EPB41L4B: variants seen among roughly 807,000 people sequenced by gnomAD.
EPB41L4B encodes erythrocyte membrane protein band 4.1 like 4B.
A neutral mutation model predicts 112.5 loss-of-function variants in EPB41L4B; 30 were observed. The observed-to-expected ratio is 0.27, with a 90% CI of 0.20 to 0.36. The LOEUF (loss-of-function observed/expected upper bound fraction) is 0.36, where lower values mean the gene tolerates loss of function less well. Among genes scored for constraint, EPB41L4B ranks in the 10% least tolerant of loss-of-function variants. The probability of loss-of-function intolerance (pLI) is 1.00; values close to 1 mark genes in which losing one functional copy is unlikely to be tolerated. For synonymous variants in EPB41L4B, 408 were observed against 439.7 expected (o/e 0.93, Z 0.90); for missense variants, 1,024 against 1,133.3 (o/e 0.90, Z 1.38).
chr9:109,200,101 T>G, intron 20 of EPB41L4B, 135 bp downstream of exon 20: 2 of 659,020 alleles, frequency 3.0e-6, no homozygotes, highest in Admixed American at 2.8e-5. Flanking sequence ...CTAGTCTCAT[T>G]ATTACCTAAA....
At chr9:109,306,287 T>C (rs1332023316) in intron 1 of EPB41L4B, among the ~76,000 whole-genome samples, 1 of 152,182 alleles carries the variant, frequency 6.6e-6, no homozygotes, top group East Asian at 1.9e-4. Flanking sequence ...TTCTCAAACC[T>C]GACTGCACCT....
intron 25 of EPB41L4B, among the ~76,000 whole-genome samples, chr9:109,176,050 G>GCACA (rs58215877): frequency 0.087 from 2,871 of 32,870 alleles, 40 homozygotes; most frequent in Non-Finnish European, 0.11. Context: ...TCACACACAC[G>GCACA]CACACACACA....
intron 22 of EPB41L4B, among the ~76,000 whole-genome samples, 196 bp from the exon 23 acceptor site, chr9:109,185,801 C>T (rs775010470): frequency 2.6e-5 from 3 of 116,032 alleles, no homozygotes; most frequent in African/African-American, 9.6e-5. Flanking sequence ...TCCCACCCCC[C>T]ACCCTCTCTC....
At chr9:109,193,282 T>C (rs1020603833) in intron 21 of EPB41L4B, among the ~76,000 whole-genome samples, 3 of 152,214 alleles carry the variant, frequency 2.0e-5, no homozygotes, top group East Asian at 3.8e-4. Flanking sequence ...GCCTTGGTAA[T>C]GCAGGAGGTG....
chr9:109,264,876 G>T, intron 5 of EPB41L4B, 104 bp downstream of exon 5: 5 of 1,068,650 alleles, frequency 4.7e-6, no homozygotes, highest in Admixed American at 2.9e-5. Flanking sequence ...CACTTTTTTT[G>T]AATTTTGAAA....
intron 17 of EPB41L4B, 104 bp from the exon 18 acceptor site, chr9:109,208,153 C>T: frequency 7.3e-7 from 1 of 1,368,962 alleles, no homozygotes; most frequent in Non-Finnish European, 1.0e-6. Context: ...GACCTACATA[C>T]ATAGACAGGG....
At chr9:109,197,259 C>A (rs1832673460) in intron 20 of EPB41L4B, among the ~76,000 whole-genome samples, 1 of 152,104 alleles carries the variant, frequency 6.6e-6, no homozygotes, top group African/African-American at 2.4e-5. Flanking sequence ...CCTGTCTCTA[C>A]TAAAAACACA....
intron 15 of EPB41L4B, among the ~76,000 whole-genome samples, chr9:109,237,668 C>A (rs1834195695): frequency 6.6e-6 from 1 of 151,866 alleles, no homozygotes; most frequent in Non-Finnish European, 1.5e-5. Context: ...GTTACTAGAC[C>A]ACTGGAGGGG....
chr9:109,241,771 G>T (rs750634458), intron 15 of EPB41L4B: 2 of 1,614,156 alleles, frequency 1.2e-6, no homozygotes, highest in Admixed American at 3.3e-5. Flanking sequence ...TCCACTGGCC[G>T]ATGCTTTCCA....
intron 4 of EPB41L4B, 63 bp downstream of exon 4, chr9:109,267,410 A>G (rs1469865272): frequency 2.0e-6 from 2 of 1,003,934 alleles, no homozygotes; most frequent in Non-Finnish European, 3.1e-6. Flanking sequence ...AATTGAGAAG[A>G]GCCATAAATG....
chr9:109,211,746 C>T (rs1168176139), intron 17 of EPB41L4B, among the ~76,000 whole-genome samples: 5 of 141,048 alleles, frequency 3.5e-5, no homozygotes, highest in South Asian at 2.3e-4. Context: ...GAGGGAGTCT[C>T]GCTCTGTCAC....
At chr9:109,203,807 C>A (rs577540117) in intron 18 of EPB41L4B, 77 bp from the exon 19 acceptor site, 4 of 1,210,002 alleles carry the variant, frequency 3.3e-6, no homozygotes, top group South Asian at 2.5e-5. Flanking sequence ...CTCTTACATT[C>A]AAAAGATTAT....
At chr9:109,201,938 C>A (rs1335969409) in intron 19 of EPB41L4B, among the ~76,000 whole-genome samples, 1 of 152,000 alleles carries the variant, frequency 6.6e-6, no homozygotes, top group Non-Finnish European at 1.5e-5. Context: ...TGAAGAGGAC[C>A]AGGTGAAAGG....
intron 6 of EPB41L4B, among the ~76,000 whole-genome samples, chr9:109,260,144 G>A (rs1036504484): frequency 5.3e-5 from 8 of 152,198 alleles, no homozygotes; most frequent in Non-Finnish European, 1.0e-4. Flanking sequence ...ACAGCTCTCT[G>A]CAACCTCAAA....
chr9:109,236,061 T>C (rs1460439945), intron 15 of EPB41L4B, among the ~76,000 whole-genome samples: 1 of 152,236 alleles, frequency 6.6e-6, no homozygotes, highest in Non-Finnish European at 1.5e-5. Context: ...TTCTCTCATC[T>C]GGCTGGCAAT....
At chr9:109,200,368 C>CA (rs777328312) in intron 19 of EPB41L4B, 34 bp from the exon 20 acceptor site, 1 of 1,546,312 alleles carries the variant, frequency 6.5e-7, no homozygotes, top group Non-Finnish European at 8.9e-7. Flanking sequence ...ACAATACCAT[C>CA]AAAAAAGGTT....
chr9:109,176,735 T>A (rs1831856304), intron 24 of EPB41L4B, 39 bp from the exon 25 acceptor site: 3 of 1,610,774 alleles, frequency 1.9e-6, no homozygotes. Context: ...AATCTCAATT[T>A]GGGTTCCATT....
chr9:109,310,478 TTA>T (rs1292648444), intron 1 of EPB41L4B, among the ~76,000 whole-genome samples: 1 of 152,168 alleles, frequency 6.6e-6, no homozygotes, highest in Non-Finnish European at 1.5e-5. Context: ...ACTATTCATG[TTA>T]TAGAGAGTCT....
chr9:109,217,130 G>A lies in EPB41L4B; in HGVS notation c.1425C>T (p.Ser475=). ...ACCGGTCCGAGCTGCTAAGCACTGG[G>A]GAAGGGAGCGGGTAGCTGTGGAGGG... ...HSPNVSYPLP[S]PVLSSSDRLP... The change falls in exon 16 of 26, where the codon TCC becomes TCT. Residue 475 remains serine (S), a synonymous_variant. Transcript: ENST00000374566. The A allele has an allele frequency of 1.2e-6, 2 of 1,613,900 alleles. No homozygotes were observed. The highest frequency in any genetic ancestry group is 1.7e-5 in the Admixed American group (1 of 60,024).
Sources: gnomAD v4.1 joint callset for allele counts (sites outside exome capture counted in the v4.1 genomes callset) on GRCh38, gnomAD v4.1.1 for gene constraint, MANE v1.5 for transcripts, NCBI Gene and HGNC (gene_info 2026-07-23, HGNC 2026-07-21) for gene names.